Variants in DLC1 observed in about 807,000 individuals in gnomAD.
The protein encoded by DLC1 is rho GTPase-activating protein 7.
In DLC1, 54 loss-of-function variants were observed where a neutral mutation model predicts 140.3. That is an observed-to-expected ratio of 0.38 (90% CI 0.31 to 0.48). The LOEUF (loss-of-function observed/expected upper bound fraction) is 0.48. Ranked by LOEUF, DLC1 falls within the 20% of genes least tolerant of loss-of-function variation. The pLI, the probability that DLC1 is intolerant of heterozygous loss-of-function variation, is 0.96. For synonymous variants in DLC1, 986 were observed against 728.1 expected (o/e 1.35, Z -5.70); for missense variants, 2,536 against 1,907.0 (o/e 1.33, Z -6.14).
chr8:13,207,616 C>T (rs1827734512), intron 5 of DLC1, among the ~76,000 whole-genome samples: 1 of 152,016 alleles, frequency 6.6e-6, no homozygotes, highest in Non-Finnish European at 1.5e-5. Flanking sequence ...TTCATGGTTG[C>T]TTTACACCAT....
intron 1 of DLC1, among the ~76,000 whole-genome samples, chr8:13,591,660 A>G (rs1404901254): frequency 6.6e-6 from 1 of 152,098 alleles, no homozygotes; most frequent in Non-Finnish European, 1.5e-5. Flanking sequence ...TAGGCAAACA[A>G]TGATGTTGGC....
intron 5 of DLC1, among the ~76,000 whole-genome samples, chr8:13,120,356 A>AAAATATATATATAT: frequency 4.1e-4 from 25 of 61,062 alleles, no homozygotes; most frequent in South Asian, 7.5e-4. Context: ...AAAAAAAAAA[A>AAAATATATATATAT]ATATATATAT....
intron 5 of DLC1, among the ~76,000 whole-genome samples, chr8:13,238,479 C>T (rs1829394492): frequency 6.6e-6 from 1 of 151,736 alleles, no homozygotes; most frequent in African/African-American, 2.4e-5. Flanking sequence ...CGCCACTGCA[C>T]TCCAGCCTGG....
intron 5 of DLC1, among the ~76,000 whole-genome samples, chr8:13,266,747 A>C (rs1586036726): frequency 6.6e-6 from 1 of 152,108 alleles, no homozygotes; most frequent in Non-Finnish European, 1.5e-5. Flanking sequence ...TTAGTATTAA[A>C]AAAACAAAAC....
chr8:13,148,362 C>A (rs1823580595), intron 5 of DLC1, among the ~76,000 whole-genome samples: 1 of 152,198 alleles, frequency 6.6e-6, no homozygotes, highest in Non-Finnish European at 1.5e-5. Context: ...TTAGCTCCCA[C>A]TTACAAGTGA....
intron 5 of DLC1, among the ~76,000 whole-genome samples, chr8:13,188,984 C>T (rs941838843): frequency 1.3e-4 from 20 of 150,482 alleles, no homozygotes; most frequent in Admixed American, 2.0e-4. Context: ...CTATCACACC[C>T]GGCCTTTATT....
intron 4 of DLC1, 90 bp from the exon 5 acceptor site, chr8:13,305,392 C>A (rs915391303): frequency 6.7e-6 from 9 of 1,347,416 alleles, no homozygotes; most frequent in Non-Finnish European, 9.1e-6. Context: ...ATTAATGACG[C>A]AAAAATTAAA....
intron 4 of DLC1, among the ~76,000 whole-genome samples, chr8:13,376,362 A>C (rs565877019): frequency 6.6e-6 from 1 of 152,152 alleles, no homozygotes; most frequent in East Asian, 1.9e-4. Context: ...TCCTTCCTCT[A>C]TTCCTCTAAG....
intron 1 of DLC1, among the ~76,000 whole-genome samples, chr8:13,593,694 C>T (rs1056417973): frequency 1.3e-4 from 20 of 151,958 alleles, no homozygotes; most frequent in African/African-American, 3.6e-4. Context: ...AAGTGGGTTA[C>T]TATGAAAACA....
At chr8:13,133,362 G>A in intron 5 of DLC1, 2 of 1,069,524 alleles carry the variant, frequency 1.9e-6, no homozygotes, top group South Asian at 2.7e-5. Flanking sequence ...AGAGCGGGCG[G>A]CACCGCCTCC....
rs907799253 is a variant in DLC1, at chr8:13,401,389, A to G, written c.1173+81T>C. ...ATGTTGTTAGATGCCATTAACAAGG[A>G]TGTTGCCTTTGCAAGAGGGACTGTA... is the stretch of plus-strand genomic sequence containing the variant. On this transcript the variant is annotated intron_variant, in intron 3 of 17. Coordinates refer to ENST00000276297, the MANE Select transcript of DLC1 (RefSeq NM_182643.3). 7.2e-6 allele frequency: 11 copies of G among 1,530,386 alleles called. No individual in the cohort carries two copies. The African/African-American group carries it at 9.6e-5, about 13-fold the overall frequency. 94.8% of individuals were successfully genotyped at this position (1,530,386 alleles called of 1,614,324 possible).
intron 1 of DLC1, among the ~76,000 whole-genome samples, chr8:13,556,928 C>T (rs970008196): frequency 5.9e-5 from 9 of 152,180 alleles, no homozygotes; most frequent in African/African-American, 1.2e-4. Flanking sequence ...AGACTTTTTC[C>T]AGCCCTGGTG....
At chr8:13,577,585 A>G (rs1051504324) in intron 1 of DLC1, among the ~76,000 whole-genome samples, 1 of 152,210 alleles carries the variant, frequency 6.6e-6, no homozygotes, top group Non-Finnish European at 1.5e-5. Context: ...ATCTCAGTAC[A>G]TGCTAAATTA....
intron 1 of DLC1, among the ~76,000 whole-genome samples, chr8:13,586,820 A>G (rs1330878311): frequency 6.6e-6 from 1 of 152,276 alleles, no homozygotes; most frequent in Middle Eastern, 3.4e-3. Flanking sequence ...GCCTATAGAT[A>G]GTATTCAAGC....
In DLC1 at chr8:13,209,165, C is replaced by T. The variant is rs73663645; in HGVS notation, c.1349-93508G>A. Among the ~76,000 whole-genome samples the T allele has an allele frequency of 9.2e-3, 1,406 of 152,202 alleles. 21 individuals are homozygous for T. The highest frequency in any genetic ancestry group is 0.032 in the African/African-American group (1,324 of 41,510). On this transcript the variant is annotated intron_variant, in intron 5 of 17. Coordinates refer to ENST00000276297, the MANE Select transcript of DLC1 (RefSeq NM_182643.3). Reference sequence around the variant, plus strand: ...TTTTTCACCAAGGCTACAGGAACTGCTAATAATTCCTGTAGCTATTTGATA... The same window carrying T: ...TTTTTCACCAAGGCTACAGGAACTGTTAATAATTCCTGTAGCTATTTGATA...
At chr8:13,120,766 A>T (rs975303439) in intron 5 of DLC1, among the ~76,000 whole-genome samples, 4 of 152,166 alleles carry the variant, frequency 2.6e-5, no homozygotes, top group African/African-American at 9.7e-5. Flanking sequence ...AGTTCTGGAC[A>T]TTAGATGGAT....
At chr8:13,349,440 A>G (rs62494661) in intron 4 of DLC1, among the ~76,000 whole-genome samples, 42,759 of 152,086 alleles carry the variant, frequency 0.28, 6,571 homozygotes, top group Middle Eastern at 0.37. Flanking sequence ...ATGGAAGCAA[A>G]GGTAACAGGA....
intron 5 of DLC1, among the ~76,000 whole-genome samples, chr8:13,164,940 C>G (rs1824991957): frequency 6.6e-6 from 1 of 152,126 alleles, no homozygotes; most frequent in Non-Finnish European, 1.5e-5. Context: ...GCTTTTGCTG[C>G]ATTTTGTGTG....
chr8:13,561,423 C>G (rs1010053657), intron 1 of DLC1, among the ~76,000 whole-genome samples: 3 of 152,140 alleles, frequency 2.0e-5, no homozygotes, highest in Non-Finnish European at 4.4e-5. Flanking sequence ...TAAAGATCCT[C>G]CTGCTTCATC....
Sources: allele counts gnomAD v4.1 joint callset (sites outside exome capture counted in the v4.1 genomes callset), GRCh38; gene constraint gnomAD v4.1.1; transcripts MANE v1.5; gene names NCBI Gene and HGNC (gene_info 2026-07-23, HGNC 2026-07-21).